KLF13: variants seen among roughly 807,000 people sequenced by gnomAD.
KLF13 encodes Krueppel-like factor 13.
KLF13 carries 8 observed loss-of-function variants against 16.7 expected under a neutral mutation model. The ratio of observed to expected loss-of-function variants is 0.48; its 90% CI spans 0.28 to 0.87. The LOEUF (loss-of-function observed/expected upper bound fraction) is 0.87. KLF13 is among the 40% of genes least tolerant of loss of function. The probability of loss-of-function intolerance (pLI) is 0.10; values close to 1 mark genes in which losing one functional copy is unlikely to be tolerated. For missense variants in KLF13, 447 were observed against 452.2 expected (o/e 0.99, Z 0.10); for synonymous variants, 245 against 208.4 (o/e 1.18, Z -1.51).
At chr15:31,397,429 G>C (rs1395801915) in intron 2 of KLF13, among the ~76,000 whole-genome samples, 1 of 152,254 alleles carries the variant, frequency 6.6e-6, no homozygotes, top group Non-Finnish European at 1.5e-5. Flanking sequence ...CTCCTCCTCA[G>C]TGACGCGCAC....
intron 1 of KLF13, among the ~76,000 whole-genome samples, chr15:31,371,073 C>T (rs1001925922): frequency 3.3e-5 from 5 of 152,244 alleles, no homozygotes; most frequent in South Asian, 4.2e-4. Context: ...GGCAGCCCTG[C>T]GGCCACCCCT....
chr15:31,355,068 C>T (rs1396444505), intron 1 of KLF13, among the ~76,000 whole-genome samples: 1 of 152,224 alleles, frequency 6.6e-6, no homozygotes, highest in Non-Finnish European at 1.5e-5. Flanking sequence ...ATCTCGCCAT[C>T]CCTCAGCCTC....
intron 1 of KLF13, among the ~76,000 whole-genome samples, chr15:31,339,250 A>AT (rs998417321): frequency 2.3e-3 from 345 of 146,870 alleles, no homozygotes; most frequent in Non-Finnish European, 2.6e-3. Flanking sequence ...TTCTATTTTG[A>AT]TTTTTTTTTT....
At chr15:31,420,942 C>CT (rs1478363740) in intron 1 of KLF13, among the ~76,000 whole-genome samples, 1 of 152,192 alleles carries the variant, frequency 6.6e-6, no homozygotes, top group African/African-American at 2.4e-5. Flanking sequence ...ATCTGCCCGC[C>CT]TTGGCCTCCC....
intron 1 of KLF13, among the ~76,000 whole-genome samples, chr15:31,431,022 C>A (rs557555135): frequency 6.6e-6 from 1 of 152,270 alleles, no homozygotes; most frequent in African/African-American, 2.4e-5. Context: ...GAAATTCTAA[C>A]CCCCAAGGTG....
chr15:31,354,361 A>G (rs1566813901), intron 1 of KLF13, among the ~76,000 whole-genome samples: 1 of 152,184 alleles, frequency 6.6e-6, no homozygotes, highest in African/African-American at 2.4e-5. Context: ...ATCCTTGTCC[A>G]TATATTAATA....
At position 31,371,606 on chromosome 15, in the gene KLF13, G is replaced by A. The variant is rs572457415; in HGVS notation, c.578-404G>A. On this transcript the variant is annotated intron_variant, in intron 1 of 1. Transcript: ENST00000307145. ...GGAGCAGCATGGGCGGCTGGACTCC[G>A]GGAGGCCTGTGAAGCCAGGGCATGG... Among the ~76,000 whole-genome samples, 6 of 152,340 alleles carry A rather than the reference G, an allele frequency of 3.9e-5. No individual in the cohort carries two copies. In the East Asian group the frequency reaches 7.7e-4, roughly 20 times the overall value.
chr15:31,369,132 A>G (rs933343784), intron 1 of KLF13, among the ~76,000 whole-genome samples: 6 of 152,230 alleles, frequency 3.9e-5, no homozygotes, highest in East Asian at 1.9e-4. Flanking sequence ...TTTGTTGACT[A>G]TCTTTGTAAT....
intron 1 of KLF13, among the ~76,000 whole-genome samples, chr15:31,431,741 G>A (rs2040474661): frequency 6.6e-6 from 1 of 152,222 alleles, no homozygotes; most frequent in South Asian, 2.1e-4. Context: ...TGGGATTACA[G>A]GCGTGAGCCA....
intron 1 of KLF13, among the ~76,000 whole-genome samples, chr15:31,434,225 G>A (rs1313320305): frequency 6.6e-6 from 1 of 152,150 alleles, no homozygotes; most frequent in Non-Finnish European, 1.5e-5. Context: ...GCTCAGAGAG[G>A]TAAGTGACTT....
intron 1 of KLF13, among the ~76,000 whole-genome samples, chr15:31,410,888 G>C (rs2141001072): frequency 6.6e-6 from 1 of 152,238 alleles, no homozygotes; most frequent in African/African-American, 2.4e-5. Context: ...GACCCCTATA[G>C]ACACTGAAAA....
At chr15:31,398,794 C>A (rs1403834911) in intron 2 of KLF13, among the ~76,000 whole-genome samples, 1 of 152,160 alleles carries the variant, frequency 6.6e-6, no homozygotes, top group Non-Finnish European at 1.5e-5. Context: ...CCCTCTCCCC[C>A]AGGGCAGCTA....
At chr15:31,407,773 A>G (rs2040146152), downstream of KLF13, among the ~76,000 whole-genome samples, 1 of 152,240 alleles carries the variant, frequency 6.6e-6, no homozygotes, top group Admixed American at 6.5e-5. Flanking sequence ...AACCACATTA[A>G]TAAGTTGAAG....
At chr15:31,420,548 G>A in intron 1 of KLF13, 1 of 527,084 alleles carries the variant, frequency 1.9e-6, no homozygotes, top group East Asian at 4.4e-5. Context: ...CCTGCTAGGA[G>A]AACCCAACAT....
At chr15:31,362,944 A>C (rs2039412441) in intron 1 of KLF13, among the ~76,000 whole-genome samples, 1 of 152,248 alleles carries the variant, frequency 6.6e-6, no homozygotes, top group Non-Finnish European at 1.5e-5. Context: ...GACAGGCCCC[A>C]GTGGAAGGAC....
chr15:31,425,358 A>G (rs1052863447), intron 1 of KLF13, among the ~76,000 whole-genome samples: 1 of 152,224 alleles, frequency 6.6e-6, no homozygotes. Context: ...CAAAACTGAA[A>G]ATCTCACACT....
At chr15:31,368,018 C>G (rs1382002909) in intron 1 of KLF13, among the ~76,000 whole-genome samples, 1 of 148,782 alleles carries the variant, frequency 6.7e-6, no homozygotes, top group Non-Finnish European at 1.5e-5. Flanking sequence ...CCCCCTTTCT[C>G]CCCCTTCTCA....
intron 1 of KLF13, among the ~76,000 whole-genome samples, chr15:31,334,469 C>T (rs961134954): frequency 2.0e-5 from 3 of 152,058 alleles, no homozygotes; most frequent in Admixed American, 6.5e-5. Context: ...CTCTTGTCCC[C>T]CAGGCTGGAG....
At chr15:31,367,981 A>G (rs1371542616) in intron 1 of KLF13, among the ~76,000 whole-genome samples, 1 of 151,514 alleles carries the variant, frequency 6.6e-6, no homozygotes, top group Non-Finnish European at 1.5e-5. Context: ...GGGAGAATCC[A>G]CTCCATACCT....
Sources: gnomAD v4.1 joint callset for allele counts (sites outside exome capture counted in the v4.1 genomes callset) on GRCh38, gnomAD v4.1.1 for gene constraint, MANE v1.5 for transcripts, NCBI Gene and HGNC (gene_info 2026-07-23, HGNC 2026-07-21) for gene names.